Variants in ZCCHC7 observed in about 807,000 individuals in gnomAD.
ZCCHC7 encodes the protein zinc finger CCHC domain-containing protein 7.
In ZCCHC7, 35 loss-of-function variants were observed where a neutral mutation model predicts 52.0. That is an observed-to-expected ratio of 0.67 (90% confidence interval 0.51 to 0.89). The LOEUF (loss-of-function observed/expected upper bound fraction) is 0.89, where lower values mean the gene tolerates loss of function less well. Ranked by LOEUF, ZCCHC7 falls within the 40% of genes least tolerant of loss-of-function variation. The probability of loss-of-function intolerance (pLI) is 0.00; values close to 1 mark genes in which losing one functional copy is unlikely to be tolerated. For missense variants in ZCCHC7, 574 were observed against 649.1 expected, an observed-to-expected ratio of 0.88 and a Z score of 1.26; for synonymous variants, 217 against 221.5, an observed-to-expected ratio of 0.98 and a Z score of 0.18.
chr9:37,264,795 C>G (rs527672621), intron 2 of ZCCHC7, among the ~76,000 whole-genome samples: 1 of 152,142 alleles, frequency 6.6e-6, no homozygotes, highest in Non-Finnish European at 1.5e-5. Context: ...GCTGTTTTCT[C>G]TAGTCCTCTC....
At chr9:37,155,249 T>C (rs1564145757) in intron 2 of ZCCHC7, among the ~76,000 whole-genome samples, 1 of 151,966 alleles carries the variant, frequency 6.6e-6, no homozygotes, top group Non-Finnish European at 1.5e-5. Flanking sequence ...TAGTCCCGGC[T>C]ACTCGGGAGG....
chr9:37,246,770 C>T (rs1213464539), intron 2 of ZCCHC7, among the ~76,000 whole-genome samples: 3 of 152,064 alleles, frequency 2.0e-5, no homozygotes, highest in African/African-American at 2.4e-5. Context: ...CTTTTTGTAT[C>T]GATGGGTTCT....
intron 2 of ZCCHC7, among the ~76,000 whole-genome samples, chr9:37,164,830 T>TA (rs1821331147): frequency 6.6e-6 from 1 of 152,206 alleles, no homozygotes. Context: ...CCTTCCAAAG[T>TA]GTTGACATTA....
In ZCCHC7 at chr9:37,300,812, T is replaced by TC. The variant is rs1238450884; in HGVS notation, c.611-1373dup. 4.6e-5 allele frequency among the ~76,000 whole-genome samples: 7 copies of TC among 152,106 alleles called. No homozygotes were observed. In the East Asian group the frequency reaches 1.3e-3, roughly 29 times the overall value. ...CTTTAGTTTCTGCATTAGTCATAGG[T>TC]CCCTTCCCCCTTGGCCATGGGTGGA... is the stretch of plus-strand genomic sequence containing the variant. On this transcript the variant is annotated intron_variant, in intron 2 of 8. Coordinates refer to ENST00000336755, the MANE Select transcript of ZCCHC7 (RefSeq NM_032226.3).
Position 37,344,649 on chromosome 9 carries a change from A to G in ZCCHC7, c.988-4708A>G, listed in dbSNP as rs76354975. On this transcript the variant is annotated intron_variant, in intron 6 of 8. Transcript: ENST00000336755. The stretch of plus-strand genomic sequence containing the variant: ...AGTTGAGGCTTCCCCCAAAAAGTCA[A>G]TCTAAGTCATCACTAGTGATTCTCA... Among the ~76,000 whole-genome samples the G allele has an allele frequency of 5.8e-3, 878 of 152,258 alleles. 34 individuals are homozygous for G. The East Asian group carries it at 0.1, about 17-fold the overall frequency.
intron 1 of ZCCHC7, among the ~76,000 whole-genome samples, chr9:37,125,664 T>C (rs1045633454): frequency 2.0e-5 from 3 of 152,190 alleles, no homozygotes; most frequent in African/African-American, 7.2e-5. Context: ...GATAGGATAG[T>C]GAGAGCTGCT....
In ZCCHC7 at chr9:37,302,205, T is replaced by C. The variant is rs756913604; in HGVS notation, c.628T>C (p.Trp210Arg). ...TTTTGTAGGAGAAGATGGTATAAAC[T>C]GGTCCATCAGTGACAAAGACATTGA... The part of the protein sequence containing the change: ...SVTEGEDGIN[W>R]SISDKDIEAQ... The change falls in exon 3 of 9, where the codon TGG (tryptophan) becomes CGG (arginine). Residue 210 changes from tryptophan to arginine, a missense_variant. This residue lies in a region of ZCCHC7 where 403 missense variants were observed against 461.2 expected (regional missense o/e 0.87). Transcript: ENST00000336755. 1.6e-5 allele frequency: 25 copies of C among 1,609,318 alleles called. No homozygotes were observed. Among genetic ancestry groups the C allele is most frequent in the Non-Finnish European group, 2.1e-5 (25 of 1,177,402 alleles).
intron 7 of ZCCHC7, among the ~76,000 whole-genome samples, chr9:37,351,685 G>A (rs1470133509): frequency 6.6e-6 from 1 of 152,150 alleles, no homozygotes; most frequent in African/African-American, 2.4e-5. Context: ...ACATTCAGAT[G>A]TTGTCAACGT....
chr9:37,226,328 CTT>C (rs1314974503), intron 2 of ZCCHC7, among the ~76,000 whole-genome samples: 3 of 152,120 alleles, frequency 2.0e-5, no homozygotes, highest in South Asian at 2.1e-4. Flanking sequence ...ATGGATGAGA[CTT>C]TATATTTTTA....
At chr9:37,121,332 G>A (rs1247112516) in intron 1 of ZCCHC7, among the ~76,000 whole-genome samples, 2 of 152,208 alleles carry the variant, frequency 1.3e-5, no homozygotes, top group Non-Finnish European at 2.9e-5. Context: ...AGATTGCACA[G>A]TTGAATTACG....
chr9:37,132,021 C>A (rs970760063), intron 2 of ZCCHC7, among the ~76,000 whole-genome samples: 9 of 152,102 alleles, frequency 5.9e-5, no homozygotes, highest in African/African-American at 2.2e-4. Context: ...TTATTCTTTC[C>A]TAAGCCTTCT....
intron 2 of ZCCHC7, among the ~76,000 whole-genome samples, chr9:37,168,427 C>T (rs1821545766): frequency 6.6e-6 from 1 of 152,008 alleles, no homozygotes; most frequent in South Asian, 2.1e-4. Context: ...ACTGTTTCAC[C>T]TATCCCTCTA....
intron 2 of ZCCHC7, among the ~76,000 whole-genome samples, chr9:37,254,045 G>A (rs1403849192): frequency 6.6e-6 from 1 of 151,900 alleles, no homozygotes; most frequent in Non-Finnish European, 1.5e-5. Context: ...AGTGTTACCA[G>A]AACATTAATG....
At chr9:37,166,435 C>G (rs1338815635) in intron 2 of ZCCHC7, among the ~76,000 whole-genome samples, 2 of 152,050 alleles carry the variant, frequency 1.3e-5, no homozygotes, top group South Asian at 2.1e-4. Flanking sequence ...TCTAGTGATA[C>G]CACTTTTCTC....
chr9:37,345,204 T>TTGAAACATCCATTCTGCCTTCATA (rs1820883520), intron 6 of ZCCHC7, among the ~76,000 whole-genome samples: 1 of 152,248 alleles, frequency 6.6e-6, no homozygotes, highest in Non-Finnish European at 1.5e-5. Flanking sequence ...AGTTTCTTCC[T>TTGAAACATCCATTCTGCCTTCATA]TGAAACATCC....
intron 6 of ZCCHC7, among the ~76,000 whole-genome samples, chr9:37,332,893 T>C (rs150223338): frequency 6.2e-4 from 94 of 151,764 alleles, no homozygotes; most frequent in African/African-American, 2.2e-3. Flanking sequence ...ATTGTATGTA[T>C]GCATATTTAT....
intron 2 of ZCCHC7, among the ~76,000 whole-genome samples, chr9:37,179,222 TTAA>T (rs1182184726): frequency 6.6e-6 from 1 of 152,218 alleles, no homozygotes; most frequent in African/African-American, 2.4e-5. Flanking sequence ...GCTGGCAGCC[TTAA>T]TAATGTTTTC....
intron 6 of ZCCHC7, among the ~76,000 whole-genome samples, chr9:37,334,227 CAT>C (rs1830560259): frequency 6.6e-6 from 1 of 151,858 alleles, no homozygotes; most frequent in African/African-American, 2.4e-5. Context: ...TCAAACTTGT[CAT>C]AGTCTTTTCT....
At chr9:37,287,594 C>T (rs1398830679) in intron 2 of ZCCHC7, among the ~76,000 whole-genome samples, 2 of 152,088 alleles carry the variant, frequency 1.3e-5, no homozygotes, top group Non-Finnish European at 2.9e-5. Flanking sequence ...TCTAAGCAAG[C>T]AATATCTGAA....
Sources: gnomAD v4.1 joint callset for allele counts (sites outside exome capture counted in the v4.1 genomes callset) on GRCh38, gnomAD v4.1.1 for gene constraint, gnomAD v4.1.1 regional missense constraint, MANE v1.5 for transcripts, NCBI Gene and HGNC (gene_info 2026-07-23, HGNC 2026-07-21) for gene names.